The following PTPRH variants were observed in gnomAD, a reference collection of about 807,000 sequenced individuals.
PTPRH encodes protein tyrosine phosphatase receptor type H, also known as receptor-type tyrosine-protein phosphatase H.
PTPRH carries 113 observed loss-of-function variants against 130.2 expected under a neutral mutation model. The observed-to-expected ratio is 0.87, with a 90% CI of 0.75 to 1.01. PTPRH has a LOEUF of 1.01. PTPRH is among the 50% of genes least tolerant of loss of function. The pLI is 0.00. For synonymous variants in PTPRH, 556 were observed against 577.9 expected (o/e 0.96, Z 0.54); for missense variants, 1,430 against 1,425.0 (o/e 1.00, Z -0.06).
rs189790955 is a variant in PTPRH, at chr19:55,197,515, T to C, written c.1691-99A>G. 1.0e-5 allele frequency: 12 copies of C among 1,176,960 alleles called. No homozygotes were observed. In the Admixed American group the frequency reaches 1.7e-4, roughly 17 times the overall value. The allele number at this position is 1,176,960 out of a possible 1,614,324, so 72.9% of individuals were successfully genotyped here. The stretch of plus-strand genomic sequence containing the variant: ...CACAGCAAAGCTGAGATATCCATTA[T>C]TGATGGCTCCAGTGGCTAAGGAGGC... On this transcript the variant is annotated intron_variant, in intron 8 of 19. Coordinates refer to ENST00000376350, the MANE Select transcript of PTPRH (RefSeq NM_002842.5).
chr19:55,204,442 C>T (rs561680567), intron 4 of PTPRH, among the ~76,000 whole-genome samples: 1 of 152,248 alleles, frequency 6.6e-6, no homozygotes, highest in East Asian at 1.9e-4. Context: ...CCTAGTTGTC[C>T]CTCAACAGCT....
In PTPRH at chr19:55,206,795, G is replaced by C. The variant is rs1241120093; in HGVS notation, c.246C>G (p.Thr82=). ...GTCCAAGGCCATCCACGGTGACGTT[G>C]GTGGCTGTTGTGTTTCGAGTCTCTG... ...GTTETRNTTA[T]NVTVDGLGPG... is the part of the protein sequence containing the mutation. The change falls in exon 3 of 20, where the codon ACC becomes ACG. Residue 82 remains threonine, a synonymous_variant. Coordinates refer to ENST00000376350, the MANE Select transcript of PTPRH (RefSeq NM_002842.5). The C allele has an allele frequency of 1.2e-6, 2 of 1,614,154 alleles. No individual in the cohort carries two copies. The highest frequency in any genetic ancestry group is 1.7e-6 in the Non-Finnish European group (2 of 1,180,022).
intron 3 of PTPRH, 145 bp from the exon 4 acceptor site, chr19:55,205,737 A>G (rs2087029700): frequency 8.1e-7 from 1 of 1,229,992 alleles, no homozygotes; most frequent in Non-Finnish European, 1.1e-6. Context: ...GTTCCACGTG[A>G]GTGTTGAGCA....
chr19:55,185,447 C>T, intron 18 of PTPRH, 55 bp downstream of exon 18: 7 of 1,591,804 alleles, frequency 4.4e-6, no homozygotes, highest in Non-Finnish European at 6.0e-6. Flanking sequence ...ACACAACTGT[C>T]TGAGCCCCAA....
At chr19:55,187,314 C>T (rs1487596925) in intron 14 of PTPRH, among the ~76,000 whole-genome samples, 199 bp downstream of exon 14, 1 of 111,092 alleles carries the variant, frequency 9.0e-6, no homozygotes, top group African/African-American at 3.9e-5. Context: ...CACTGCACTC[C>T]AGCCTGGGTG....
rs1388743082 is a variant in PTPRH at position 55,187,006 on chromosome 19, C to T, written c.2567-466G>A. On this transcript the variant is annotated intron_variant, in intron 14 of 19. Coordinates refer to ENST00000376350, the MANE Select transcript of PTPRH (RefSeq NM_002842.5). The stretch of plus-strand genomic sequence containing the variant: ...GTTGCAGTGAGCGGAGGTGGTGCCA[C>T]TTCACTCCAGCCTGGGTGACAGCAA... 3.4e-5 allele frequency among the ~76,000 whole-genome samples: 5 copies of T among 149,078 alleles called. No individual in the cohort carries two copies. The Admixed American group carries it at 3.4e-4, about 10-fold the overall frequency.
At position 55,205,573 on chromosome 19, in the gene PTPRH, G is replaced by C; in HGVS notation, c.372C>G (p.Asn124Lys). Reference sequence around the variant, plus strand: ...TGTTGGTCTGAGCCTCCACTCTCAGGTTCCTCACTGGGTTGGGAGCTGAAA... The same window carrying C: ...TGTTGGTCTGAGCCTCCACTCTCAGCTTCCTCACTGGGTTGGGAGCTGAAA... ...TTATAPNPVR[N>K]LRVEAQTNSS... The change falls in exon 4 of 20, where the codon AAC (asparagine) becomes AAG (lysine). Residue 124 changes from asparagine to lysine, a missense_variant. Coordinates refer to ENST00000376350, the MANE Select transcript of PTPRH (RefSeq NM_002842.5). 6.2e-7 allele frequency: 1 copy of C among 1,614,206 alleles called. No individual in the cohort carries two copies. The highest frequency in any genetic ancestry group is 8.5e-7 in the Non-Finnish European group (1 of 1,180,030).
intron 8 of PTPRH, 25 bp downstream of exon 8, chr19:55,198,618 G>A (rs2086759135): frequency 1.2e-5 from 19 of 1,546,840 alleles, no homozygotes; most frequent in Non-Finnish European, 1.6e-5. Context: ...TAATAGGGCT[G>A]GGTTCAGAAC....
At chr19:55,205,078 C>A (rs1366807151) in intron 4 of PTPRH, among the ~76,000 whole-genome samples, 1 of 152,162 alleles carries the variant, frequency 6.6e-6, no homozygotes, top group African/African-American at 2.4e-5. Flanking sequence ...GGCCCCTACA[C>A]ATTCCTCTTG....
chr19:55,183,695 G>A (rs142045834), intron 18 of PTPRH, among the ~76,000 whole-genome samples: 1,690 of 152,234 alleles, frequency 0.011, 36 homozygotes, highest in African/African-American at 0.039. Flanking sequence ...TTGCACTCCA[G>A]CCTGGGTGAC....
chr19:55,186,445 A>G lies in PTPRH; in HGVS notation c.2643+19T>C, dbSNP rs1599977589. The G allele has an allele frequency of 3.1e-6, 5 of 1,613,922 alleles. No individual in the cohort carries two copies. Among genetic ancestry groups the G allele is most frequent in the South Asian group, 1.1e-5 (1 of 91,082 alleles). On this transcript the variant is annotated intron_variant, in intron 15 of 19. Coordinates refer to ENST00000376350, the MANE Select transcript of PTPRH (RefSeq NM_002842.5). Reference sequence around the variant, plus strand: ...TCCAGGCGTGCTGGGCACCCTTTCAATCCCAACCACGACCTTACGGGCATG... The same window carrying G: ...TCCAGGCGTGCTGGGCACCCTTTCAGTCCCAACCACGACCTTACGGGCATG...
chr19:55,191,627 C>T (rs2086538982), intron 11 of PTPRH, 36 bp downstream of exon 11: 7 of 1,612,442 alleles, frequency 4.3e-6, no homozygotes, highest in Middle Eastern at 1.6e-4. Context: ...CTCCAGCCCC[C>T]ACCCTCCAGG....
intron 10 of PTPRH, chr19:55,194,109 C>CA: frequency 7.9e-7 from 1 of 1,264,536 alleles, no homozygotes; most frequent in Non-Finnish European, 1.0e-6. Flanking sequence ...CTCGGCCTCC[C>CA]AAAGTGCTGG....
rs114329352 is a variant in PTPRH, at chr19:55,202,517, G to A, written c.887-195C>T. 4.7e-3 allele frequency among the ~76,000 whole-genome samples: 712 copies of A among 151,978 alleles called. 5 individuals carry two copies. Among genetic ancestry groups the A allele is most frequent in the African/African-American group, 0.017 (687 of 41,390 alleles). On this transcript the variant is annotated intron_variant, in intron 5 of 19. Coordinates refer to ENST00000376350, the MANE Select transcript of PTPRH (RefSeq NM_002842.5). ...TTGTGAAATGAGATGAGCCGTTAGT[G>A]TAAGATCCACACCGGCTTTCGAAGA... is the stretch of plus-strand genomic sequence containing the variant.
chr19:55,191,178 G>A (rs537212620), intron 12 of PTPRH, among the ~76,000 whole-genome samples: 4 of 152,274 alleles, frequency 2.6e-5, no homozygotes, highest in Non-Finnish European at 1.5e-5. Context: ...TAGAATATAA[G>A]CCCCTGGCGG....
At position 55,206,913 on chromosome 19, in the gene PTPRH, G is replaced by T. The variant is rs538285925; in HGVS notation, c.128C>A (p.Thr43Asn). The change falls in exon 3 of 20, where the codon ACC becomes AAC. Residue 43 changes from threonine (T) to asparagine (N), a missense_variant. By Grantham distance (65) the Thr-to-Asn change is moderately conservative. Transcript: ENST00000376350. ...CTCCCAGCTCAGGGAGATGGAGCTG[G>T]TGGTCTGAGTCTCCACTGTCAGGTT... ...GRNLTVETQT[T>N]SSISLSWEVP... The T allele has an allele frequency of 4.3e-5, 70 of 1,611,384 alleles. No homozygotes were observed. The highest frequency in any genetic ancestry group is 5.9e-5 in the Non-Finnish European group (69 of 1,178,160).
intron 10 of PTPRH, among the ~76,000 whole-genome samples, chr19:55,195,983 G>A (rs1290739206): frequency 1.6e-4 from 25 of 152,018 alleles, no homozygotes; most frequent in Non-Finnish European, 1.5e-5. Context: ...GGGGGTGGTG[G>A]CTCAGCGGGG....
Position 55,205,698 on chromosome 19 carries a change from C to T in PTPRH, c.353-106G>A, listed in dbSNP as rs528367028. The stretch of plus-strand genomic sequence containing the variant: ...AGCAGGTAGAGGCAGGGAGGCCCAG[C>T]TCTGCACTGTCCAGTGTGGCAGCCA... On this transcript the variant is annotated intron_variant, in intron 3 of 19. Transcript: ENST00000376350. 1.3e-4 allele frequency: 192 copies of T among 1,514,316 alleles called. 1 individual carries two copies. The East Asian group carries it at 3.0e-3, about 24-fold the overall frequency. The allele number at this position is 1,514,316 out of a possible 1,614,324, so 93.8% of individuals were successfully genotyped here.
In PTPRH at chr19:55,196,623, AAC is replaced by A; in HGVS notation, c.2154_2155del (p.Leu719GlyfsTer62). 1.2e-6 allele frequency: 2 copies of A among 1,613,748 alleles called. No homozygotes were observed. The highest frequency in any genetic ancestry group is 1.7e-6 in the Non-Finnish European group (2 of 1,179,918). On this transcript the variant is annotated frameshift_variant, in exon 10 of 20. Transcript: ENST00000376350. LOFTEE classifies it high-confidence loss of function. The stretch of plus-strand genomic sequence containing the variant: ...GTAGGACCGAGCCGGCCCGAGACCC[AAC>A]ACAGACACAGCCTCCCCACATGAAG...
Sources: gnomAD v4.1 joint callset for allele counts (sites outside exome capture counted in the v4.1 genomes callset) on GRCh38, gnomAD v4.1.1 for gene constraint, MANE v1.5 for transcripts, NCBI Gene and HGNC (gene_info 2026-07-23, HGNC 2026-07-21) for gene names.